The following AKAIN1 variants were observed in gnomAD, a reference collection of about 807,000 sequenced individuals.
AKAIN1 encodes the protein A-kinase anchor inhibitor 1, also known as A-kinase anchor protein inhibitor 1.
In AKAIN1, 3 loss-of-function variants were observed where a neutral mutation model predicts 3.7. That is an observed-to-expected ratio of 0.82 (90% confidence interval 0.37 to 2.12). The LOEUF is 2.12. Ranked by LOEUF, AKAIN1 falls within the 30% of genes most tolerant of loss-of-function variation. AKAIN1 has a pLI of 0.06. For missense variants in AKAIN1, 82 were observed against 82.7 expected (o/e 0.99, Z 0.03); for synonymous variants, 31 against 30.8 (o/e 1.01, Z -0.02).
chr18:5,149,374 C>A (rs533140718), intron 1 of AKAIN1, among the ~76,000 whole-genome samples: 141 of 152,248 alleles, frequency 9.3e-4, no homozygotes, highest in African/African-American at 3.1e-3. Context: ...TCTTCCGTTA[C>A]CTTAAGCTAT....
chr18:5,156,771 T>C (rs2071110772), intron 1 of AKAIN1, among the ~76,000 whole-genome samples: 1 of 152,200 alleles, frequency 6.6e-6, no homozygotes, highest in Non-Finnish European at 1.5e-5. Context: ...AGCAGCTCCA[T>C]GGCCTGGGGG....
chr18:5,164,790 TA>T lies in AKAIN1; in HGVS notation c.17-19036del, dbSNP rs1413349966. Among the ~76,000 whole-genome samples, 3 of 152,140 alleles carry T rather than the reference TA, an allele frequency of 2.0e-5. No individual in the cohort carries two copies. The East Asian group carries it at 5.8e-4, about 29-fold the overall frequency. ...TCATTCTCTATGCAAAGGCAGCTCA[TA>T]ACATTTATATCACCCCCACACAATG... On this transcript the variant is annotated intron_variant, in intron 1 of 1. Coordinates refer to ENST00000434239, the MANE Select transcript of AKAIN1 (RefSeq NM_001145194.2).
intron 1 of AKAIN1, among the ~76,000 whole-genome samples, chr18:5,173,886 G>A (rs1374186377): frequency 6.6e-6 from 1 of 152,032 alleles, no homozygotes; most frequent in Non-Finnish European, 1.5e-5. Context: ...TGGAATTGCA[G>A]CCGCAAAAAG....
chr18:5,191,689 GA>G (rs200952583), intron 1 of AKAIN1, among the ~76,000 whole-genome samples: 16 of 147,914 alleles, frequency 1.1e-4, no homozygotes, highest in Middle Eastern at 3.5e-3. Flanking sequence ...AAATAATGTT[GA>G]AAAAAAAAAG....
chr18:5,188,647 G>A (rs1294736789), intron 1 of AKAIN1, among the ~76,000 whole-genome samples: 1 of 151,978 alleles, frequency 6.6e-6, no homozygotes, highest in African/African-American at 2.4e-5. Context: ...ACTGCACAGG[G>A]GGATGTCATG....
intron 1 of AKAIN1, among the ~76,000 whole-genome samples, chr18:5,185,883 G>GT (rs1486370777): frequency 6.6e-6 from 1 of 152,166 alleles, no homozygotes; most frequent in African/African-American, 2.4e-5. Context: ...GCAGGTGTAT[G>GT]TTTATCACAG....
intron 1 of AKAIN1, among the ~76,000 whole-genome samples, chr18:5,147,728 A>C (rs1018116591): frequency 6.6e-6 from 1 of 152,266 alleles, no homozygotes; most frequent in Non-Finnish European, 1.5e-5. Flanking sequence ...TTTGCAATCT[A>C]GTGAACAAAG....
At chr18:5,191,459 G>A (rs1233992683) in intron 1 of AKAIN1, among the ~76,000 whole-genome samples, 1 of 152,260 alleles carries the variant, frequency 6.6e-6, no homozygotes, top group East Asian at 1.9e-4. Flanking sequence ...AGATCTGTAT[G>A]CTGAAAGCTA....
At chr18:5,183,470 G>C (rs1251638278) in intron 1 of AKAIN1, among the ~76,000 whole-genome samples, 2 of 151,844 alleles carry the variant, frequency 1.3e-5, no homozygotes, top group Admixed American at 1.3e-4. Context: ...AATTTTAAAT[G>C]GTAATGGAAA....
chr18:5,158,555 G>A (rs1220046358), intron 1 of AKAIN1, among the ~76,000 whole-genome samples: 1 of 152,132 alleles, frequency 6.6e-6, no homozygotes, highest in African/African-American at 2.4e-5. Context: ...CTTCTAAAGG[G>A]GTCAGTTCTC....
chr18:5,182,533 C>T (rs746934317), intron 1 of AKAIN1, among the ~76,000 whole-genome samples: 1 of 152,010 alleles, frequency 6.6e-6, no homozygotes, highest in African/African-American at 2.4e-5. Context: ...TTGTTTGAAC[C>T]CTGACCTATG....
chr18:5,143,050 G>A lies in AKAIN1; in HGVS notation c.*2512C>T, dbSNP rs961051522. On this transcript the variant is annotated 3_prime_UTR_variant, in exon 2 of 2. Coordinates refer to ENST00000434239, the MANE Select transcript of AKAIN1 (RefSeq NM_001145194.2). Reference sequence around the variant, plus strand: ...CTGAACACACAGAGATGGGAAGCCTGTGTATGCAGTAAATCAGAAAGATAA... The same window carrying A: ...CTGAACACACAGAGATGGGAAGCCTATGTATGCAGTAAATCAGAAAGATAA... Among the ~76,000 whole-genome samples, 2 of 152,156 alleles carry A rather than the reference G, an allele frequency of 1.3e-5. No individual in the cohort carries two copies. Among genetic ancestry groups the A allele is most frequent in the African/African-American group, 2.4e-5 (1 of 41,434 alleles).
chr18:5,145,511 C>T lies in AKAIN1; in HGVS notation c.*51G>A. 1.3e-6 allele frequency: 2 copies of T among 1,486,328 alleles called. No individual in the cohort carries two copies. Among genetic ancestry groups the T allele is most frequent in the East Asian group, 2.5e-5 (1 of 40,558 alleles). 92.1% of individuals were successfully genotyped at this position (1,486,328 alleles called of 1,614,324 possible). A position where few individuals can be genotyped will look rare whatever the true frequency, so the allele number is the denominator to read the frequency against. On this transcript the variant is annotated 3_prime_UTR_variant, in exon 2 of 2. Transcript: ENST00000434239. Reference sequence around the variant, plus strand: ...CAACATTTTGGAGATGCGTCCTATACTAAGAGGAAGGCTAGAAACCAAGCA... The same window carrying T: ...CAACATTTTGGAGATGCGTCCTATATTAAGAGGAAGGCTAGAAACCAAGCA...
At chr18:5,182,940 G>A (rs887036228) in intron 1 of AKAIN1, among the ~76,000 whole-genome samples, 14 of 151,966 alleles carry the variant, frequency 9.2e-5, no homozygotes, top group Non-Finnish European at 1.8e-4. Flanking sequence ...CTGGACATAC[G>A]GAAGATTCTT....
intron 1 of AKAIN1, among the ~76,000 whole-genome samples, chr18:5,164,712 AT>A (rs1225164461): frequency 6.6e-6 from 1 of 152,034 alleles, no homozygotes; most frequent in Non-Finnish European, 1.5e-5. Flanking sequence ...TTATCGTGAC[AT>A]TTGAAAATAT....
At chr18:5,196,946 C>G in intron 1 of AKAIN1, 92 bp downstream of exon 1, 1 of 1,146,682 alleles carries the variant, frequency 8.7e-7, no homozygotes, top group Non-Finnish European at 1.3e-6. Flanking sequence ...GCAGATGGGC[C>G]GTAAGGTAAA....
At chr18:5,170,343 A>G in intron 1 of AKAIN1, among the ~76,000 whole-genome samples, 1 of 152,210 alleles carries the variant, frequency 6.6e-6, no homozygotes, top group East Asian at 1.9e-4. Context: ...TGCTAACTCT[A>G]TGTTTCCATT....
At chr18:5,192,449 T>C (rs143384032) in intron 1 of AKAIN1, among the ~76,000 whole-genome samples, 1 of 55,008 alleles carries the variant, frequency 1.8e-5, no homozygotes, top group African/African-American at 5.7e-5. Flanking sequence ...TTCTTTCTTT[T>C]TCTTTTCTTT....
At chr18:5,184,877 G>A (rs1049138334) in intron 1 of AKAIN1, among the ~76,000 whole-genome samples, 2 of 152,010 alleles carry the variant, frequency 1.3e-5, no homozygotes, top group African/African-American at 2.4e-5. Context: ...AAATGGTCCT[G>A]AATAGCCAAG....
Sources: gnomAD v4.1 joint callset for allele counts (sites outside exome capture counted in the v4.1 genomes callset) on GRCh38, gnomAD v4.1.1 for gene constraint, MANE v1.5 for transcripts, NCBI Gene and HGNC (gene_info 2026-07-23, HGNC 2026-07-21) for gene names.